Variants in ANKRD44 observed in about 807,000 individuals in gnomAD.
ANKRD44 encodes ankyrin repeat domain 44.
ANKRD44 carries 35 observed loss-of-function variants against 116.0 expected under a neutral mutation model. The ratio of observed to expected loss-of-function variants is 0.30; its 90% CI spans 0.23 to 0.40. The LOEUF (loss-of-function observed/expected upper bound fraction) is 0.40, where lower values mean the gene tolerates loss of function less well. Among genes scored for constraint, ANKRD44 ranks in the 10% least tolerant of loss-of-function variants. The probability of loss-of-function intolerance (pLI) is 1.00; values close to 1 mark genes in which losing one functional copy is unlikely to be tolerated. For synonymous variants in ANKRD44, 435 were observed against 461.8 expected (o/e 0.94, Z 0.74); for missense variants, 1,014 against 1,242.6 (o/e 0.82, Z 2.77).
At chr2:196,969,380 CACCAG>C (rs932471304) in intron 21 of ANKRD44, among the ~76,000 whole-genome samples, 22 of 152,126 alleles carry the variant, frequency 1.4e-4, no homozygotes, top group African/African-American at 5.1e-4. Context: ...TGGCTGCTTT[CACCAG>C]ACCCTTGCAT....
At position 197,047,975 on chromosome 2, in the gene ANKRD44, A is replaced by G. The variant is rs549274184; in HGVS notation, c.1651-22708T>C. Among the ~76,000 whole-genome samples, 16 of 152,260 alleles carry G rather than the reference A, an allele frequency of 1.1e-4. No homozygotes were observed. In the South Asian group the frequency reaches 1.2e-3, roughly 12 times the overall value. On this transcript the variant is annotated intron_variant, in intron 16 of 27. Transcript: ENST00000282272. ...CTATAACAAATGCCCTCTGGAACTAAAAGTATCTGATTCTAAGAGAAAAAC... is the reference window on the plus strand; with the variant it reads ...CTATAACAAATGCCCTCTGGAACTAGAAGTATCTGATTCTAAGAGAAAAAC...
chr2:197,203,539 G>A lies in ANKRD44; in HGVS notation c.28-16433C>T, dbSNP rs774171215. 6.6e-6 allele frequency among the ~76,000 whole-genome samples: 1 copy of A among 152,170 alleles called. No homozygotes were observed. Among genetic ancestry groups the A allele is most frequent in the Non-Finnish European group, 1.5e-5 (1 of 68,036 alleles). On this transcript the variant is annotated intron_variant, in intron 1 of 27. Transcript: ENST00000282272. The surrounding 1 kb of genome is among the most constrained non-coding windows in gnomAD (Gnocchi z 4.1). Reference sequence around the variant, plus strand: ...CTGTGGAATTTTATTTAGCTATTTAGCTTGGTAGTTCCTCAATAAGTTAAA... The same window carrying A: ...CTGTGGAATTTTATTTAGCTATTTAACTTGGTAGTTCCTCAATAAGTTAAA...
rs1296457589 is a variant in ANKRD44 at position 197,285,788 on chromosome 2, T to C, written c.27+24790A>G. On this transcript the variant is annotated intron_variant, in intron 1 of 27. Coordinates refer to ENST00000282272, the MANE Select transcript of ANKRD44 (RefSeq NM_001195144.2). Reference sequence around the variant, plus strand: ...CTCATTATGGTTGACAAAGAACCTGTACAAAGCTTAAAGAGATCAATAAAA... The same window carrying C: ...CTCATTATGGTTGACAAAGAACCTGCACAAAGCTTAAAGAGATCAATAAAA... Among the ~76,000 whole-genome samples, 9 of 152,268 alleles carry C rather than the reference T, an allele frequency of 5.9e-5. No individual in the cohort carries two copies. In the East Asian group the frequency reaches 1.7e-3, roughly 29 times the overall value.
At chr2:196,986,640 A>G, downstream of ANKRD44, 1 of 922,116 alleles carries the variant, frequency 1.1e-6, no homozygotes, top group Non-Finnish European at 1.3e-6. Flanking sequence ...AAAAGCATAA[A>G]TTGGAAAAAT....
At chr2:197,115,153 T>C (rs952907645) in intron 8 of ANKRD44, among the ~76,000 whole-genome samples, 1 of 152,172 alleles carries the variant, frequency 6.6e-6, no homozygotes, top group African/African-American at 2.4e-5. Context: ...CAGAAAAGAA[T>C]TGAGACCATG....
intron 1 of ANKRD44, among the ~76,000 whole-genome samples, chr2:197,277,071 G>A (rs1236690129): frequency 1.3e-5 from 2 of 152,004 alleles, no homozygotes; most frequent in African/African-American, 2.4e-5. Flanking sequence ...GGGACTACAG[G>A]TGCCTGCCAC....
intron 2 of ANKRD44, among the ~76,000 whole-genome samples, chr2:197,185,027 T>C (rs1286380780): frequency 6.6e-6 from 1 of 152,202 alleles, no homozygotes; most frequent in East Asian, 1.9e-4. Context: ...TTCCATTTGC[T>C]CATGATCATT....
At chr2:197,089,329 T>C (rs138165975) in intron 11 of ANKRD44, among the ~76,000 whole-genome samples, 1 of 152,314 alleles carries the variant, frequency 6.6e-6, no homozygotes, top group African/African-American at 2.4e-5. Flanking sequence ...TAAACAATCT[T>C]TGCCTTGCAG....
At position 197,083,371 on chromosome 2, in the gene ANKRD44, T is replaced by C; in HGVS notation, c.1455A>G (p.Arg485=). 1 of 1,611,596 alleles carries C rather than the reference T, an allele frequency of 6.2e-7. No individual in the cohort carries two copies. The highest frequency in any genetic ancestry group is 8.5e-7 in the Non-Finnish European group (1 of 1,179,070). The change falls in exon 14 of 28, where the codon AGA becomes AGG. Residue 485 remains arginine (R), a splice_region_variant and synonymous_variant. Coordinates refer to ENST00000282272, the MANE Select transcript of ANKRD44 (RefSeq NM_001195144.2). ...AGCATGAGCAAGGCTGTTTTTACTT[T>C]CTATCCATGTCTGATGCAGCGGCGT... ...LHYAAASDMD[R]NKTILGNAHD...
At chr2:197,086,803 C>A (rs1202794921) in intron 12 of ANKRD44, 55 bp from the exon 13 acceptor site, 1 of 1,533,794 alleles carries the variant, frequency 6.5e-7, no homozygotes, top group African/African-American at 1.4e-5. Context: ...ACTGGCCTAT[C>A]TTCAGCAAGA....
At chr2:197,062,721 C>A (rs931414303) in intron 16 of ANKRD44, among the ~76,000 whole-genome samples, 1 of 152,206 alleles carries the variant, frequency 6.6e-6, no homozygotes, top group Admixed American at 6.5e-5. Flanking sequence ...TCACTCATTG[C>A]TAGCATAGCA....
intron 1 of ANKRD44, among the ~76,000 whole-genome samples, chr2:197,257,804 T>C (rs2082490913): frequency 6.6e-6 from 1 of 152,202 alleles, no homozygotes; most frequent in South Asian, 2.1e-4. Context: ...ACATTCACAT[T>C]ATTATACAAC....
Position 197,099,836 on chromosome 2 carries a change from G to T in ANKRD44, c.1080C>A (p.Thr360=), listed in dbSNP as rs1244328172. The T allele has an allele frequency of 2.5e-6, 4 of 1,614,106 alleles. No homozygotes were observed. The East Asian group carries it at 8.9e-5, about 36-fold the overall frequency. Residue 360 remains threonine (T), a synonymous_variant, in exon 10 of 28, where the codon ACC becomes ACA. Coordinates refer to ENST00000282272, the MANE Select transcript of ANKRD44 (RefSeq NM_001195144.2). Reference sequence around the variant, plus strand: ...CCTACTTGGCTGTGTCAGCTCCGCTGGTTATTAAGGTGTTAATCAAAAGCT... The same window carrying T: ...CCTACTTGGCTGTGTCAGCTCCGCTTGTTATTAAGGTGTTAATCAAAAGCT... ...GHELLINTLI[T]SGADTAKCGI...
At position 197,288,476 on chromosome 2, in the gene ANKRD44, A is replaced by G. The variant is rs546452179; in HGVS notation, c.27+22102T>C. ...AACTTCTATATGACCTAGCAATCCC[A>G]CTGTTGGGCATCAGTCCAAAGGAAA... On this transcript the variant is annotated intron_variant, in intron 1 of 27. Coordinates refer to ENST00000282272, the MANE Select transcript of ANKRD44 (RefSeq NM_001195144.2). Among the ~76,000 whole-genome samples, 7 of 152,314 alleles carry G rather than the reference A, an allele frequency of 4.6e-5. No homozygotes were observed. The South Asian group carries it at 1.4e-3, about 32-fold the overall frequency.
rs138261764 is a variant in ANKRD44 at position 197,134,662 on chromosome 2, A to G, written c.261+1930T>C. The G allele has an allele frequency of 3.6e-3, 545 of 152,254 alleles. 4 individuals carry two copies. Among genetic ancestry groups the G allele is most frequent in the African/African-American group, 0.013 (522 of 41,538 alleles). 9.4% of individuals were successfully genotyped at this position (152,254 alleles called of 1,614,324 possible). On this transcript the variant is annotated intron_variant, in intron 4 of 27. Coordinates refer to ENST00000282272, the MANE Select transcript of ANKRD44 (RefSeq NM_001195144.2). ...GTGTCTTTCTTTTCCACTAGACTAC[A>G]CACTTCCTAAGGGCAGAGACCATCG...
At chr2:197,039,825 G>T (rs1248556538) in intron 16 of ANKRD44, among the ~76,000 whole-genome samples, 3 of 152,066 alleles carry the variant, frequency 2.0e-5, no homozygotes, top group African/African-American at 7.2e-5. Flanking sequence ...AAGAGAGTAA[G>T]AAGGGTAAAT....
rs1001744979 is a variant in ANKRD44 at position 197,124,843 on chromosome 2, C to G, written c.550+538G>C. The stretch of plus-strand genomic sequence containing the variant: ...AAAAGGAAAAACGTAGAAATGTGAA[C>G]TCTCCCAAGCGGGTAGAAATGAGGG... On this transcript the variant is annotated intron_variant, in intron 6 of 27. Coordinates refer to ENST00000282272, the MANE Select transcript of ANKRD44 (RefSeq NM_001195144.2). 3.3e-5 allele frequency among the ~76,000 whole-genome samples: 5 copies of G among 152,218 alleles called. No individual in the cohort carries two copies. The East Asian group carries it at 7.7e-4, about 23-fold the overall frequency.
At chr2:197,001,540 G>A (rs1019248238) in intron 22 of ANKRD44, among the ~76,000 whole-genome samples, 1 of 152,186 alleles carries the variant, frequency 6.6e-6, no homozygotes, top group Non-Finnish European at 1.5e-5. Flanking sequence ...CCCGAGGGTG[G>A]CATCTTTGCC....
rs117152747 is a variant in ANKRD44, at chr2:196,991,384, T to C, written c.2924-1735A>G. 2.9e-3 allele frequency among the ~76,000 whole-genome samples: 440 copies of C among 152,272 alleles called. 8 individuals carry two copies. In the East Asian group the frequency reaches 0.063, roughly 22 times the overall value. On this transcript the variant is annotated intron_variant, in intron 27 of 27. Coordinates refer to ENST00000282272, the MANE Select transcript of ANKRD44 (RefSeq NM_001195144.2). ...ACAATGACTTTCCATTGTTAGGTAA[T>C]TGTGTGTCCAATTAGAAAAGATATT...
Sources: allele counts gnomAD v4.1 joint callset (sites outside exome capture counted in the v4.1 genomes callset), GRCh38; gene constraint gnomAD v4.1.1; non-coding constraint Gnocchi (gnomAD v3.1); transcripts MANE v1.5; gene names NCBI Gene and HGNC (gene_info 2026-07-23, HGNC 2026-07-21).